ROBO2: variants seen among roughly 807,000 people sequenced by gnomAD.
ROBO2 encodes the protein roundabout homolog 2.
ROBO2 carries 53 observed loss-of-function variants against 160.8 expected under a neutral mutation model. That is an observed-to-expected ratio of 0.33 (90% confidence interval 0.26 to 0.41). ROBO2 has a LOEUF of 0.41. Ranked by LOEUF, ROBO2 falls within the 10% of genes least tolerant of loss-of-function variation. The probability of loss-of-function intolerance (pLI) is 1.00; values close to 1 mark genes in which losing one functional copy is unlikely to be tolerated. For synonymous variants in ROBO2, 664 were observed against 611.7 expected (o/e 1.09, Z -1.26); for missense variants, 1,577 against 1,722.4 (o/e 0.92, Z 1.49).
At chr3:76,723,568 C>T (rs1469906070) in intron 2 of ROBO2, among the ~76,000 whole-genome samples, 5 of 152,152 alleles carry the variant, frequency 3.3e-5, no homozygotes, top group East Asian at 1.9e-4. Flanking sequence ...GTCTAGGCCC[C>T]GCCCACTTCA....
intron 2 of ROBO2, among the ~76,000 whole-genome samples, chr3:76,362,747 T>C (rs1421088180): frequency 1.3e-5 from 2 of 152,110 alleles, no homozygotes; most frequent in Non-Finnish European, 2.9e-5. Flanking sequence ...CTAGTTCTTA[T>C]TGTTTCTTGT....
chr3:76,537,221 T>C lies in ROBO2; in HGVS notation c.110-560793T>C, dbSNP rs377568061. On this transcript the variant is annotated intron_variant, in intron 2 of 26. Coordinates refer to the ROBO2 transcript ENST00000487694. ...GGATGAGTCGCATTGGGAGCAGAGA[T>C]TAGGAAGGGAACAAAGTGTAAAAAA... is the stretch of plus-strand genomic sequence containing the variant. Among the ~76,000 whole-genome samples, 38 of 151,638 alleles carry C rather than the reference T, an allele frequency of 2.5e-4. 1 individual carries two copies. The South Asian group carries it at 2.5e-3, about 10-fold the overall frequency.
chr3:76,505,357 T>G (rs945577115), intron 2 of ROBO2, among the ~76,000 whole-genome samples: 3 of 124,992 alleles, frequency 2.4e-5, no homozygotes, highest in Non-Finnish European at 5.1e-5. Context: ...CAGCTAAAGA[T>G]AGTTCAGCAT....
chr3:77,363,191 T>C (rs12493232), intron 2 of ROBO2, among the ~76,000 whole-genome samples: 62,468 of 152,008 alleles, frequency 0.41, 13,597 homozygotes, highest in East Asian at 0.72. Context: ...CTCAGCAAGC[T>C]ATTTCAATTT....
At chr3:76,953,847 C>T (rs1311928372) in intron 2 of ROBO2, among the ~76,000 whole-genome samples, 1 of 151,872 alleles carries the variant, frequency 6.6e-6, no homozygotes, top group Non-Finnish European at 1.5e-5. Flanking sequence ...TGTGTGTGCC[C>T]ACACAGGTGC....
intron 2 of ROBO2, among the ~76,000 whole-genome samples, chr3:77,340,875 T>C (rs1392711686): frequency 6.6e-6 from 1 of 152,086 alleles, no homozygotes; most frequent in Non-Finnish European, 1.5e-5. Flanking sequence ...TCAAAGATAC[T>C]AGGCTGAAAA....
At chr3:77,183,356 T>G (rs2080976027) in intron 2 of ROBO2, among the ~76,000 whole-genome samples, 1 of 152,026 alleles carries the variant, frequency 6.6e-6, no homozygotes, top group African/African-American at 2.4e-5. Context: ...AATGTTAAAA[T>G]TCTAAACCCT....
At chr3:77,498,712 C>T (rs1341486596) in intron 5 of ROBO2, among the ~76,000 whole-genome samples, 1 of 151,668 alleles carries the variant, frequency 6.6e-6, no homozygotes, top group Non-Finnish European at 1.5e-5. Flanking sequence ...TTGTTTAGAG[C>T]ATGTGCTTCT....
chr3:77,255,895 C>T (rs2058377924), intron 2 of ROBO2, among the ~76,000 whole-genome samples: 1 of 152,194 alleles, frequency 6.6e-6, no homozygotes, highest in Non-Finnish European at 1.5e-5. Flanking sequence ...CACTTCTTTA[C>T]ATTTAGTTGC....
At chr3:76,850,280 A>G (rs1168357823) in intron 2 of ROBO2, among the ~76,000 whole-genome samples, 1 of 152,202 alleles carries the variant, frequency 6.6e-6, no homozygotes, top group Non-Finnish European at 1.5e-5. Context: ...AGACTATGTA[A>G]CTTTCTTCCA....
chr3:77,630,725 A>C (rs2095142996), intron 23 of ROBO2: 1 of 152,126 alleles, frequency 6.6e-6, no homozygotes, highest in Admixed American at 6.6e-5. Context: ...GGAAGATAGA[A>C]GAGACTAGAG....
chr3:77,044,078 A>G (rs529270110), intron 1 of ROBO2, among the ~76,000 whole-genome samples: 1 of 152,252 alleles, frequency 6.6e-6, no homozygotes, highest in South Asian at 2.1e-4. Flanking sequence ...CCATGTTTGA[A>G]TTGGCTTTGT....
intron 2 of ROBO2, among the ~76,000 whole-genome samples, chr3:76,938,937 C>T (rs1205281122): frequency 1.1e-4 from 16 of 144,810 alleles, no homozygotes; most frequent in African/African-American, 3.7e-4. Flanking sequence ...CGCCATTGCA[C>T]GCTAGCCTGG....
chr3:76,045,748 T>C (rs1013283104), intron 2 of ROBO2, among the ~76,000 whole-genome samples: 1 of 152,048 alleles, frequency 6.6e-6, no homozygotes, highest in Non-Finnish European at 1.5e-5. Flanking sequence ...TTTTGGAAAG[T>C]ATTTCAGGAA....
intron 1 of ROBO2, among the ~76,000 whole-genome samples, chr3:77,080,028 A>G (rs560833859): frequency 6.6e-6 from 1 of 152,364 alleles, no homozygotes; most frequent in South Asian, 2.1e-4. Flanking sequence ...GAACTGAAAC[A>G]AAAGATAGAT....
chr3:77,363,832 A>G (rs2070421534), intron 2 of ROBO2, among the ~76,000 whole-genome samples: 1 of 152,082 alleles, frequency 6.6e-6, no homozygotes, highest in Non-Finnish European at 1.5e-5. Context: ...AGTGTCTATG[A>G]CCTGCCTTGG....
chr3:76,039,147 C>T (rs903972721), intron 2 of ROBO2, among the ~76,000 whole-genome samples: 1 of 151,906 alleles, frequency 6.6e-6, no homozygotes, highest in East Asian at 1.9e-4. Flanking sequence ...ATAGTAAAGA[C>T]TGGCATTAGG....
At chr3:76,042,789 C>T (rs1006328028) in intron 2 of ROBO2, among the ~76,000 whole-genome samples, 2 of 151,976 alleles carry the variant, frequency 1.3e-5, no homozygotes, top group Non-Finnish European at 2.9e-5. Context: ...ACTCCCTGCT[C>T]TGTTCTGTTT....
chr3:76,416,144 A>G (rs2075748594), intron 2 of ROBO2, among the ~76,000 whole-genome samples: 1 of 152,076 alleles, frequency 6.6e-6, no homozygotes, highest in Admixed American at 6.5e-5. Context: ...ACAAATCAGG[A>G]CATGTTCTGT....
Sources: gnomAD v4.1 joint callset for allele counts (sites outside exome capture counted in the v4.1 genomes callset) on GRCh38, gnomAD v4.1.1 for gene constraint, MANE v1.5 for transcripts, NCBI Gene and HGNC (gene_info 2026-07-23, HGNC 2026-07-21) for gene names.